The following STK39 variants were observed in gnomAD, a reference collection of about 807,000 sequenced individuals.
The protein encoded by STK39 is STE20/SPS1-related proline-alanine-rich protein kinase.
A neutral mutation model predicts 77.8 loss-of-function variants in STK39; 20 were observed. That is an observed-to-expected ratio of 0.26 (90% CI 0.18 to 0.37). The LOEUF (loss-of-function observed/expected upper bound fraction) is 0.37, where lower values mean the gene tolerates loss of function less well. Among genes scored for constraint, STK39 ranks in the 10% least tolerant of loss-of-function variants. STK39 has a pLI of 1.00. For synonymous variants in STK39, 246 were observed against 234.1 expected, an observed-to-expected ratio of 1.05 and a Z score of -0.47; for missense variants, 479 against 656.5, an observed-to-expected ratio of 0.73 and a Z score of 2.95.
chr2:167,958,652 T>C (rs879842990), intron 17 of STK39, among the ~76,000 whole-genome samples: 1 of 152,310 alleles, frequency 6.6e-6, no homozygotes, highest in East Asian at 1.9e-4. Flanking sequence ...CTCATACAAA[T>C]ATATATGAAA....
At chr2:168,123,557 G>A (rs1252947013) in intron 10 of STK39, among the ~76,000 whole-genome samples, 1 of 152,030 alleles carries the variant, frequency 6.6e-6, no homozygotes, top group African/African-American at 2.4e-5. Context: ...TTGTAAGTCT[G>A]AAATTATTTC....
chr2:168,105,234 C>T (rs1036355027), intron 10 of STK39, among the ~76,000 whole-genome samples: 2 of 152,170 alleles, frequency 1.3e-5, no homozygotes, highest in Admixed American at 6.5e-5. Context: ...TGAAAGAGAA[C>T]TCAGTCCACC....
At chr2:168,086,254 A>G (rs907955214) in intron 10 of STK39, among the ~76,000 whole-genome samples, 1 of 151,480 alleles carries the variant, frequency 6.6e-6, no homozygotes, top group Non-Finnish European at 1.5e-5. Context: ...AGACTCTACC[A>G]CACACTTTAA....
At chr2:168,191,885 C>T (rs141164282) in intron 1 of STK39, among the ~76,000 whole-genome samples, 1 of 152,192 alleles carries the variant, frequency 6.6e-6, no homozygotes, top group African/African-American at 2.4e-5. Context: ...GCAGCTACCA[C>T]TCCTTGGGTA....
At chr2:167,983,477 AAAGGAAGGAAGGAAGGAAGGAAGG>A (rs35073385) in intron 16 of STK39, among the ~76,000 whole-genome samples, 7 of 130,802 alleles carry the variant, frequency 5.4e-5, no homozygotes, top group South Asian at 2.5e-4. Flanking sequence ...AAAAGAAATG[AAAGGAAGGAAGGAAGGAAGGAAGG>A]AAGGAAGGAA....
intron 13 of STK39, among the ~76,000 whole-genome samples, chr2:168,064,429 C>T (rs1685742762): frequency 1.3e-5 from 2 of 152,124 alleles, no homozygotes; most frequent in South Asian, 4.1e-4. Flanking sequence ...CCTGACTTGG[C>T]CTCTAACTAG....
At chr2:168,230,706 T>C (rs1690431698) in intron 1 of STK39, among the ~76,000 whole-genome samples, 2 of 152,236 alleles carry the variant, frequency 1.3e-5, no homozygotes, top group African/African-American at 2.4e-5. Context: ...GCACCCTCGC[T>C]GGCAAAACTT....
intron 14 of STK39, among the ~76,000 whole-genome samples, chr2:168,052,568 ATT>A (rs1267397393): frequency 6.6e-6 from 1 of 152,218 alleles, no homozygotes; most frequent in Non-Finnish European, 1.5e-5. Flanking sequence ...GCATCTTGAT[ATT>A]GTTTGTAAAA....
intron 16 of STK39, among the ~76,000 whole-genome samples, chr2:167,984,430 A>AC (rs763438380): frequency 1.6e-4 from 24 of 152,218 alleles, no homozygotes; most frequent in Non-Finnish European, 2.2e-4. Context: ...CCACGTAGCC[A>AC]AAGAGCATGT....
chr2:168,104,706 G>A (rs1164432382), intron 10 of STK39, among the ~76,000 whole-genome samples: 1 of 152,202 alleles, frequency 6.6e-6, no homozygotes, highest in African/African-American at 2.4e-5. Flanking sequence ...TGAGTAGTAA[G>A]AGATGAGGGT....
intron 10 of STK39, among the ~76,000 whole-genome samples, chr2:168,091,141 CAA>C (rs1686511009): frequency 8.2e-6 from 1 of 121,722 alleles, no homozygotes; most frequent in Admixed American, 9.8e-5. Context: ...GATAGAAACA[CAA>C]ACAGGTGCAC....
chr2:168,015,682 A>G (rs1275756309), intron 15 of STK39, among the ~76,000 whole-genome samples: 1 of 152,152 alleles, frequency 6.6e-6, no homozygotes, highest in Non-Finnish European at 1.5e-5. Context: ...AATTTTAAAC[A>G]ATCAGATGAA....
intron 17 of STK39, among the ~76,000 whole-genome samples, chr2:167,962,754 T>C (rs894697927): frequency 3.3e-5 from 5 of 152,102 alleles, no homozygotes; most frequent in Admixed American, 2.0e-4. Context: ...GACAGAAAAC[T>C]GTACAGCCCT....
chr2:168,089,359 T>C (rs1686455389), intron 10 of STK39, among the ~76,000 whole-genome samples: 1 of 152,212 alleles, frequency 6.6e-6, no homozygotes, highest in Non-Finnish European at 1.5e-5. Context: ...ATTAAAAACA[T>C]ACTTCTTTTA....
chr2:167,955,766 C>G (rs528005793), intron 17 of STK39, among the ~76,000 whole-genome samples, 196 bp from the exon 18 acceptor site: 3 of 152,158 alleles, frequency 2.0e-5, no homozygotes, highest in Admixed American at 6.5e-5. Context: ...CTGTGGCCAT[C>G]ATGCTATGAA....
chr2:168,066,109 T>A (rs1444636520), intron 12 of STK39, among the ~76,000 whole-genome samples: 3 of 152,184 alleles, frequency 2.0e-5, no homozygotes, highest in Admixed American at 2.0e-4. Flanking sequence ...AAACTTACTA[T>A]CAATTCTAAA....
chr2:168,026,956 C>G (rs192342569), intron 14 of STK39, among the ~76,000 whole-genome samples: 1 of 152,238 alleles, frequency 6.6e-6, no homozygotes, highest in East Asian at 1.9e-4. Context: ...GGTCTCTACA[C>G]ACACACACAC....
rs183171867 is a variant in STK39, at chr2:168,122,590, C to T, written c.1089+6951G>A. Among the ~76,000 whole-genome samples the T allele has an allele frequency of 1.3e-3, 194 of 152,196 alleles. 1 individual carries two copies. Among genetic ancestry groups the T allele is most frequent in the African/African-American group, 3.9e-3 (162 of 41,504 alleles). The stretch of plus-strand genomic sequence containing the variant: ...GTGTAACTGGAAGCACAGGCACACA[C>T]CACCATGCCCAGCTAAATTTTTTTT... On this transcript the variant is annotated intron_variant, in intron 10 of 17. Transcript: ENST00000355999.
intron 1 of STK39, 81 bp from the exon 2 acceptor site, chr2:168,182,171 A>AT: frequency 8.5e-7 from 1 of 1,181,192 alleles, no homozygotes; most frequent in Non-Finnish European, 1.3e-6. Flanking sequence ...CTAAAGATCA[A>AT]TTTTTTTAAA....
Sources: gnomAD v4.1 joint callset for allele counts (sites outside exome capture counted in the v4.1 genomes callset) on GRCh38, gnomAD v4.1.1 for gene constraint, MANE v1.5 for transcripts, NCBI Gene and HGNC (gene_info 2026-07-23, HGNC 2026-07-21) for gene names.